The following RSRC1 variants were observed in gnomAD, a reference collection of about 807,000 sequenced individuals.
RSRC1 encodes serine/Arginine-related protein 53.
In RSRC1, 39 loss-of-function variants were observed where a neutral mutation model predicts 49.1. The ratio of observed to expected loss-of-function variants is 0.79; its 90% CI spans 0.61 to 1.04. The LOEUF is 1.04. Ranked by LOEUF, RSRC1 falls within the 50% of genes least tolerant of loss-of-function variation. RSRC1 has a pLI of 0.00. For missense variants in RSRC1, 388 were observed against 402.4 expected (o/e 0.96, Z 0.31); for synonymous variants, 143 against 130.8 (o/e 1.09, Z -0.63).
intron 7 of RSRC1, among the ~76,000 whole-genome samples, chr3:158,498,244 T>A (rs540903878): frequency 6.6e-6 from 1 of 152,008 alleles, no homozygotes; most frequent in African/African-American, 2.4e-5. Flanking sequence ...TTTTTTTTTT[T>A]TTTATGGCCG....
chr3:158,160,365 TCTACC>T (rs1335872264), intron 3 of RSRC1, among the ~76,000 whole-genome samples: 1 of 152,236 alleles, frequency 6.6e-6, no homozygotes, highest in Non-Finnish European at 1.5e-5. Flanking sequence ...ATTTGATGAA[TCTACC>T]CCTTTCTTCC....
At chr3:158,304,617 A>G (rs1465767560) in intron 5 of RSRC1, among the ~76,000 whole-genome samples, 1 of 152,184 alleles carries the variant, frequency 6.6e-6, no homozygotes, top group African/African-American at 2.4e-5. Context: ...TATATACTCA[A>G]TAAATTTATT....
intron 7 of RSRC1, among the ~76,000 whole-genome samples, chr3:158,508,118 G>A (rs1043734893): frequency 6.6e-6 from 1 of 151,954 alleles, no homozygotes; most frequent in Non-Finnish European, 1.5e-5. Context: ...ATAATCTAGG[G>A]ATTTTTGTGG....
chr3:158,141,927 G>A lies in RSRC1; in HGVS notation c.320+17936G>A, dbSNP rs201924309. On this transcript the variant is annotated intron_variant, in intron 3 of 9. Transcript: ENST00000611884. ...AGCCTGGCCAATATGGTGAAACCCC[G>A]TCTCTACTAAAAATACAATAATTAG... Among the ~76,000 whole-genome samples, 201 of 152,058 alleles carry A rather than the reference G, an allele frequency of 1.3e-3. 1 individual carries two copies. In the South Asian group the frequency reaches 0.019, roughly 14 times the overall value.
intron 3 of RSRC1, among the ~76,000 whole-genome samples, chr3:158,129,013 C>T (rs925241681): frequency 6.6e-6 from 1 of 151,964 alleles, no homozygotes; most frequent in Non-Finnish European, 1.5e-5. Flanking sequence ...TAACCTTGAT[C>T]GTGTAGTTAA....
intron 4 of RSRC1, among the ~76,000 whole-genome samples, chr3:158,275,040 C>A (rs1449379945): frequency 3.9e-5 from 6 of 152,166 alleles, no homozygotes; most frequent in Non-Finnish European, 8.8e-5. Flanking sequence ...TTAAGATTGA[C>A]TTCTAAGCTC....
intron 7 of RSRC1, among the ~76,000 whole-genome samples, chr3:158,534,424 G>A (rs1712602716): frequency 6.6e-6 from 1 of 151,558 alleles, no homozygotes; most frequent in African/African-American, 2.4e-5. Flanking sequence ...TATTACTATT[G>A]TTAAGTAAAT....
chr3:158,337,456 G>T (rs1390508209), intron 5 of RSRC1, among the ~76,000 whole-genome samples: 7 of 152,180 alleles, frequency 4.6e-5, no homozygotes, highest in Admixed American at 3.9e-4. Flanking sequence ...TGGGCGCATG[G>T]CCCTTGCTTC....
At chr3:158,121,955 T>C in intron 1 of RSRC1, 148 bp from the exon 2 acceptor site, 1 of 433,526 alleles carries the variant, frequency 2.3e-6, no homozygotes, top group South Asian at 8.6e-5. Context: ...CAGTGAGCAA[T>C]GATTGTACCA....
chr3:158,356,188 T>A (rs1465995274), intron 6 of RSRC1, among the ~76,000 whole-genome samples: 1 of 151,992 alleles, frequency 6.6e-6, no homozygotes, highest in Non-Finnish European at 1.5e-5. Context: ...TTTCTTAAAA[T>A]TTTTTACTAT....
intron 5 of RSRC1, among the ~76,000 whole-genome samples, chr3:158,316,362 C>T (rs997434456): frequency 1.3e-5 from 2 of 150,680 alleles, no homozygotes; most frequent in African/African-American, 4.9e-5. Flanking sequence ...CTTATGTGTA[C>T]TTCCCTACTC....
Position 158,347,690 on chromosome 3 carries a change from C to T in RSRC1, c.532-7167C>T, listed in dbSNP as rs60754740. Among the ~76,000 whole-genome samples, 440 of 152,100 alleles carry T rather than the reference C, an allele frequency of 2.9e-3. 2 individuals carry two copies. In the East Asian group the frequency reaches 0.03, roughly 10 times the overall value. Reference sequence around the variant, plus strand: ...CCTCCCAAATACTTGGGACTACAGGCTTGTATGTGTAGTGCAACTAATGGC... The same window carrying T: ...CCTCCCAAATACTTGGGACTACAGGTTTGTATGTGTAGTGCAACTAATGGC... On this transcript the variant is annotated intron_variant, in intron 5 of 9. Coordinates refer to ENST00000611884, the MANE Select transcript of RSRC1 (RefSeq NM_001271838.2).
chr3:158,167,799 T>C (rs1254334906), intron 3 of RSRC1, among the ~76,000 whole-genome samples: 1 of 152,212 alleles, frequency 6.6e-6, no homozygotes, highest in African/African-American at 2.4e-5. Flanking sequence ...GATTCCTGTG[T>C]ACTTCAGTTT....
chr3:158,180,078 G>GT (rs1366401233), intron 3 of RSRC1, among the ~76,000 whole-genome samples: 1 of 152,064 alleles, frequency 6.6e-6, no homozygotes, highest in Non-Finnish European at 1.5e-5. Flanking sequence ...TAATTGAATA[G>GT]TTTTTTTGTT....
intron 5 of RSRC1, among the ~76,000 whole-genome samples, chr3:158,308,878 A>G (rs567952981): frequency 1.2e-4 from 18 of 152,046 alleles, no homozygotes; most frequent in Admixed American, 3.3e-4. Flanking sequence ...TTTCTTCTAC[A>G]TGATTTATGT....
chr3:158,253,450 A>G (rs56002119), intron 4 of RSRC1, among the ~76,000 whole-genome samples: 11,662 of 152,164 alleles, frequency 0.077, 540 homozygotes, highest in South Asian at 0.13. Flanking sequence ...ATATCATTCT[A>G]ATGTCTTTGA....
Position 158,354,899 on chromosome 3 carries a change from G to T in RSRC1, c.574G>T (p.Glu192Ter). 1 of 1,544,734 alleles carries T rather than the reference G, an allele frequency of 6.5e-7. No individual in the cohort carries two copies. The highest frequency in any genetic ancestry group is 1.2e-5 in the South Asian group (1 of 80,358). ...QAKARLQLVLEAAAKADEALK... is the reference protein window; with the variant it reads ...QAKARLQLVL ...CAAAGCCAGACTACAGCTGGTTCTT[G>T]AAGCTGCTGGTAAGTGTTGATAATT... The change falls in exon 6 of 10, where the codon GAA (glutamate) becomes TAA (stop). Residue 192 changes from glutamate (E) to a stop codon, truncating the protein, a stop_gained. Coordinates refer to ENST00000611884, the MANE Select transcript of RSRC1 (RefSeq NM_001271838.2). LOFTEE classifies it high-confidence loss of function.
intron 6 of RSRC1, among the ~76,000 whole-genome samples, chr3:158,378,260 T>C (rs1293054369): frequency 6.6e-6 from 1 of 152,248 alleles, no homozygotes; most frequent in Admixed American, 6.5e-5. Flanking sequence ...AATGGCTGTT[T>C]TATTCTCATG....
At chr3:158,466,642 A>G (rs1737902342) in intron 7 of RSRC1, among the ~76,000 whole-genome samples, 1 of 152,228 alleles carries the variant, frequency 6.6e-6, no homozygotes. Context: ...GAGGTTCAGA[A>G]TCTCAGCTCT....
Sources: gnomAD v4.1 joint callset for allele counts (sites outside exome capture counted in the v4.1 genomes callset) on GRCh38, gnomAD v4.1.1 for gene constraint, MANE v1.5 for transcripts, NCBI Gene and HGNC (gene_info 2026-07-23, HGNC 2026-07-21) for gene names.